CDH18: variants seen among roughly 807,000 people sequenced by gnomAD.
CDH18 encodes the protein cadherin-18.
Under a neutral mutation model 67.9 loss-of-function variants are expected in CDH18, and 31 were observed. The ratio of observed to expected loss-of-function variants is 0.46; its 90% CI spans 0.34 to 0.62. CDH18 has a LOEUF of 0.62. Ranked by LOEUF, CDH18 falls within the 20% of genes least tolerant of loss-of-function variation. CDH18 has a pLI of 0.01. For missense variants in CDH18, 890 were observed against 975.5 expected, an observed-to-expected ratio of 0.91 and a Z score of 1.17; for synonymous variants, 362 against 347.2, an observed-to-expected ratio of 1.04 and a Z score of -0.48.
chr5:19,615,560 G>A (rs350671), intron 5 of CDH18, among the ~76,000 whole-genome samples: 99,570 of 151,958 alleles, frequency 0.66, 33,039 homozygotes, highest in South Asian at 0.76. Flanking sequence ...ATTACTCTCC[G>A]AAGTCCAGAT....
intron 5 of CDH18, among the ~76,000 whole-genome samples, chr5:19,638,251 C>T (rs1049374564): frequency 6.6e-6 from 1 of 152,146 alleles, no homozygotes. Context: ...TCTAGAATTA[C>T]GACAGTGAGA....
At chr5:20,500,741 C>T (rs1333696326) in intron 1 of CDH18, among the ~76,000 whole-genome samples, 1 of 151,984 alleles carries the variant, frequency 6.6e-6, no homozygotes, top group Non-Finnish European at 1.5e-5. Flanking sequence ...GCAAATGTGT[C>T]CAAATATTTG....
chr5:20,315,683 C>T (rs1369943619), intron 1 of CDH18, among the ~76,000 whole-genome samples: 6 of 152,090 alleles, frequency 3.9e-5, no homozygotes, highest in African/African-American at 1.4e-4. Flanking sequence ...GCAATTAGTT[C>T]ACTGTGCTTC....
At position 19,861,782 on chromosome 5, in the gene CDH18, G is replaced by GCCCC. The variant is rs374775881; in HGVS notation, c.-256-22541_-256-22540insGGGG. On this transcript the variant is annotated intron_variant, in intron 2 of 12. Coordinates refer to ENST00000382275, the MANE Select transcript of CDH18 (RefSeq NM_004934.5). ...AAAAAATTGTGCTTCCAATTATTAA[G>GCCCC]TTGTGGAAAATTTCTGAAAGTGAAG... Among the ~76,000 whole-genome samples, 328 of 152,300 alleles carry GCCCC rather than the reference G, an allele frequency of 2.2e-3. 4 individuals carry two copies. The highest frequency in any genetic ancestry group is 6.9e-3 in the African/African-American group (288 of 41,570).
At chr5:19,744,503 T>TACATACAC (rs1676084339) in intron 4 of CDH18, among the ~76,000 whole-genome samples, 1 of 146,270 alleles carries the variant, frequency 6.8e-6, no homozygotes, top group South Asian at 2.2e-4. Flanking sequence ...TAACTCAGTG[T>TACATACAC]ACACACACAC....
intron 3 of CDH18, among the ~76,000 whole-genome samples, chr5:19,800,382 AT>A (rs977945382): frequency 1.3e-5 from 2 of 152,094 alleles, no homozygotes; most frequent in East Asian, 3.9e-4. Flanking sequence ...AATGTATGTA[AT>A]TTTTTTAAGA....
Position 19,829,314 on chromosome 5 carries a change from T to C in CDH18, c.228+9445A>G, listed in dbSNP as rs61024805. Among the ~76,000 whole-genome samples the C allele has an allele frequency of 3.1e-3, 470 of 152,236 alleles. 3 individuals carry two copies. The highest frequency in any genetic ancestry group is 0.01 in the African/African-American group (427 of 41,564). ...ATATAATCCTATACCTAGAAAACCC[T>C]ATAGTCTTTGTCTAAAAGCTCCTAA... On this transcript the variant is annotated intron_variant, in intron 3 of 12. Transcript: ENST00000382275.
At chr5:19,993,024 C>A (rs923382971), upstream of CDH18, among the ~76,000 whole-genome samples, 2 of 152,140 alleles carry the variant, frequency 1.3e-5, no homozygotes, top group Non-Finnish European at 2.9e-5. Context: ...CAAACCTGCC[C>A]TGAAACTGGC....
intron 2 of CDH18, among the ~76,000 whole-genome samples, chr5:19,922,753 T>C (rs1276894608): frequency 6.6e-6 from 1 of 152,166 alleles, no homozygotes; most frequent in Non-Finnish European, 1.5e-5. Flanking sequence ...TATTTTTCCA[T>C]TATTCTACTG....
At chr5:19,524,997 G>T (rs144801855) in intron 9 of CDH18, among the ~76,000 whole-genome samples, 37 of 152,134 alleles carry the variant, frequency 2.4e-4, no homozygotes, top group African/African-American at 8.7e-4. Context: ...CGCCGGCCTC[G>T]GTCTCCCAAA....
chr5:19,894,229 C>T (rs1175406873), intron 2 of CDH18, among the ~76,000 whole-genome samples: 5 of 151,946 alleles, frequency 3.3e-5, no homozygotes, highest in East Asian at 1.9e-4. Context: ...TGAAAGACTA[C>T]AGTATTTCAA....
At chr5:20,438,567 C>A (rs1749356292) in intron 1 of CDH18, among the ~76,000 whole-genome samples, 1 of 151,144 alleles carries the variant, frequency 6.6e-6, no homozygotes, top group Non-Finnish European at 1.5e-5. Context: ...TACAAACCAG[C>A]AATGAGAGGC....
intron 1 of CDH18, among the ~76,000 whole-genome samples, chr5:20,283,601 T>C (rs1746456921): frequency 6.6e-6 from 1 of 151,918 alleles, no homozygotes; most frequent in Non-Finnish European, 1.5e-5. Flanking sequence ...CAGGCAATAA[T>C]AAATGCTGGT....
chr5:20,187,590 T>G (rs1238938676), intron 2 of CDH18, among the ~76,000 whole-genome samples: 3 of 151,900 alleles, frequency 2.0e-5, no homozygotes, highest in African/African-American at 7.2e-5. Flanking sequence ...ACATGTTGGC[T>G]CCTATGTGAT....
intron 2 of CDH18, among the ~76,000 whole-genome samples, chr5:20,118,081 TA>T (rs1178513147): frequency 6.6e-6 from 1 of 152,172 alleles, no homozygotes; most frequent in Admixed American, 6.5e-5. Context: ...ATCAACTTCT[TA>T]GGAAGAATTA....
At chr5:19,989,756 T>A (rs889469191), upstream of CDH18, among the ~76,000 whole-genome samples, 1 of 152,134 alleles carries the variant, frequency 6.6e-6, no homozygotes, top group African/African-American at 2.4e-5. Flanking sequence ...TGATGTGAAA[T>A]GTGGAAGGAT....
chr5:20,244,089 T>G (rs1580567591), intron 2 of CDH18, among the ~76,000 whole-genome samples: 1 of 152,272 alleles, frequency 6.6e-6, no homozygotes, highest in African/African-American at 2.4e-5. Flanking sequence ...AGAAGATATA[T>G]ATGCCAAATA....
At chr5:20,437,383 C>G (rs915132626) in intron 1 of CDH18, among the ~76,000 whole-genome samples, 7 of 151,012 alleles carry the variant, frequency 4.6e-5, no homozygotes, top group African/African-American at 1.7e-4. Flanking sequence ...AATACAATTT[C>G]TTTTGTACTA....
chr5:19,666,652 C>A (rs913577207), intron 5 of CDH18, among the ~76,000 whole-genome samples: 9 of 151,968 alleles, frequency 5.9e-5, no homozygotes, highest in Non-Finnish European at 1.2e-4. Flanking sequence ...CTATGTCTAT[C>A]CTTCAAATAT....
Sources: gnomAD v4.1 joint callset for allele counts (sites outside exome capture counted in the v4.1 genomes callset) on GRCh38, gnomAD v4.1.1 for gene constraint, MANE v1.5 for transcripts, NCBI Gene and HGNC (gene_info 2026-07-23, HGNC 2026-07-21) for gene names.